NEBL: variants seen among roughly 807,000 people sequenced by gnomAD.
The protein encoded by NEBL is LIM and SH3 protein 2.
Under a neutral mutation model 140.2 loss-of-function variants are expected in NEBL, and 122 were observed. That is an observed-to-expected ratio of 0.87 (90% CI 0.75 to 1.01). The LOEUF (loss-of-function observed/expected upper bound fraction) is 1.01. Ranked by LOEUF, NEBL falls within the 50% of genes least tolerant of loss-of-function variation. The pLI is 0.00. For missense variants in NEBL, 1,365 were observed against 1,231.3 expected (o/e 1.11, Z -1.62); for synonymous variants, 436 against 398.9 (o/e 1.09, Z -1.11).
At chr10:21,245,388 A>G (rs910489713) in intron 3 of NEBL, among the ~76,000 whole-genome samples, 1 of 152,250 alleles carries the variant, frequency 6.6e-6, no homozygotes, top group Non-Finnish European at 1.5e-5. Flanking sequence ...ATCATACTGA[A>G]TACATTACAT....
intron 4 of NEBL, among the ~76,000 whole-genome samples, chr10:20,936,407 A>G (rs777878009): frequency 6.6e-5 from 10 of 152,372 alleles, no homozygotes; most frequent in East Asian, 1.9e-4. Context: ...AGGCTATTGC[A>G]AATGGAACCT....
At chr10:20,933,415 G>A (rs1834301604) in intron 4 of NEBL, among the ~76,000 whole-genome samples, 1 of 152,150 alleles carries the variant, frequency 6.6e-6, no homozygotes, top group Admixed American at 6.5e-5. Flanking sequence ...TCTCAGGAGT[G>A]GCAGGTAAAT....
At chr10:20,828,976 C>T (rs576321996) in intron 16 of NEBL, among the ~76,000 whole-genome samples, 1 of 152,050 alleles carries the variant, frequency 6.6e-6, no homozygotes, top group Non-Finnish European at 1.5e-5. Context: ...TAATACAACC[C>T]AGGCAATATC....
chr10:20,882,086 G>C (rs147413104), intron 4 of NEBL, among the ~76,000 whole-genome samples: 1 of 152,162 alleles, frequency 6.6e-6, no homozygotes, highest in African/African-American at 2.4e-5. Flanking sequence ...GCTGAGGCAG[G>C]AGGATTGCCT....
At chr10:20,961,745 C>T in exon 4 of NEBL, 1 of 1,613,884 alleles carries the variant, frequency 6.2e-7, no homozygotes, top group South Asian at 1.1e-5. Flanking sequence ...GAAGCCCCTC[C>T]CTTTGCTTTC....
chr10:21,169,318 A>T (rs989146949), intron 2 of NEBL, among the ~76,000 whole-genome samples: 4 of 151,914 alleles, frequency 2.6e-5, no homozygotes, highest in Non-Finnish European at 5.9e-5. Context: ...GAACCAAACC[A>T]GGTACAGATA....
intron 2 of NEBL, among the ~76,000 whole-genome samples, chr10:21,165,190 C>T (rs139456681): frequency 6.6e-6 from 1 of 152,272 alleles, no homozygotes; most frequent in East Asian, 1.9e-4. Flanking sequence ...GAATTATTTT[C>T]CCATTGTACA....
At chr10:20,877,606 T>G (rs1845626042) in intron 5 of NEBL, among the ~76,000 whole-genome samples, 1 of 152,014 alleles carries the variant, frequency 6.6e-6, no homozygotes, top group Non-Finnish European at 1.5e-5. Context: ...TGCCTGGGAG[T>G]AGACATGTTC....
At chr10:21,106,070 G>C (rs1384002058) in intron 2 of NEBL, among the ~76,000 whole-genome samples, 1 of 151,874 alleles carries the variant, frequency 6.6e-6, no homozygotes, top group Non-Finnish European at 1.5e-5. Flanking sequence ...TAAGTTCTTT[G>C]TAGATTCTGG....
At chr10:20,829,985 T>C (rs1302989096) in intron 16 of NEBL, among the ~76,000 whole-genome samples, 1 of 152,172 alleles carries the variant, frequency 6.6e-6, no homozygotes, top group Admixed American at 6.5e-5. Flanking sequence ...CTGACTCAAA[T>C]GTCTATTTGT....
chr10:20,840,548 A>AT (rs1189130313), intron 13 of NEBL, among the ~76,000 whole-genome samples, 191 bp downstream of exon 13: 2 of 152,114 alleles, frequency 1.3e-5, no homozygotes, highest in South Asian at 2.1e-4. Context: ...GGAAACGGCC[A>AT]TTTTTTTCAC....
intron 9 of NEBL, among the ~76,000 whole-genome samples, chr10:20,855,632 A>G (rs542462139): frequency 7.4e-4 from 113 of 152,246 alleles, no homozygotes; most frequent in African/African-American, 2.6e-3. Flanking sequence ...TGGGAGATAC[A>G]CGGAGTAACA....
At chr10:20,806,317 A>T (rs564615638) in intron 26 of NEBL, among the ~76,000 whole-genome samples, 1 of 152,268 alleles carries the variant, frequency 6.6e-6, no homozygotes, top group Non-Finnish European at 1.5e-5. Flanking sequence ...ATAGACTTGG[A>T]TGGATGATTT....
intron 3 of NEBL, among the ~76,000 whole-genome samples, chr10:20,988,037 G>T (rs903836978): frequency 6.6e-6 from 1 of 152,126 alleles, no homozygotes; most frequent in East Asian, 1.9e-4. Context: ...TTGATATATG[G>T]TTCAATGTAA....
At chr10:20,942,359 A>T (rs1834918625) in intron 4 of NEBL, among the ~76,000 whole-genome samples, 1 of 152,218 alleles carries the variant, frequency 6.6e-6, no homozygotes, top group Admixed American at 6.5e-5. Context: ...TATTTAATAA[A>T]TGGTGCTGGG....
Position 21,251,116 on chromosome 10 carries a change from T to C in NEBL, n.279+616A>G, listed in dbSNP as rs1008410394. 2.6e-5 allele frequency among the ~76,000 whole-genome samples: 4 copies of C among 152,100 alleles called. No individual in the cohort carries two copies. The South Asian group carries it at 8.3e-4, about 31-fold the overall frequency. Reference sequence around the variant, plus strand: ...CTCCCTTCTACACTACCCAAGATTGTATTATTTTTGCTTGTGATATTTTAC... The same window carrying C: ...CTCCCTTCTACACTACCCAAGATTGCATTATTTTTGCTTGTGATATTTTAC... On this transcript the variant is annotated intron_variant and non_coding_transcript_variant, in intron 2 of 8. Coordinates refer to the NEBL transcript ENST00000675702.
At chr10:20,947,399 A>G (rs1539211) in intron 4 of NEBL, among the ~76,000 whole-genome samples, 68,341 of 151,878 alleles carry the variant, frequency 0.45, 16,278 homozygotes, top group Non-Finnish European at 0.53. Flanking sequence ...GGCAGGCTAG[A>G]AAGTGTCAAA....
intron 1 of NEBL, among the ~76,000 whole-genome samples, chr10:21,261,922 C>T (rs974401368): frequency 6.6e-6 from 1 of 152,060 alleles, no homozygotes; most frequent in South Asian, 2.1e-4. Context: ...CAGCAGCAGC[C>T]GCCTGGAGAC....
chr10:20,919,350 A>C (rs1466271016), intron 4 of NEBL, among the ~76,000 whole-genome samples: 1 of 152,228 alleles, frequency 6.6e-6, no homozygotes, highest in Non-Finnish European at 1.5e-5. Context: ...TTCTATGCAC[A>C]TTGGAAGAAT....
Sources: allele counts gnomAD v4.1 joint callset (sites outside exome capture counted in the v4.1 genomes callset), GRCh38; gene constraint gnomAD v4.1.1; transcripts MANE v1.5; gene names NCBI Gene and HGNC (gene_info 2026-07-23, HGNC 2026-07-21).